EPM2A: variants seen among roughly 807,000 people sequenced by gnomAD.
EPM2A encodes laforin.
EPM2A carries 21 observed loss-of-function variants against 26.5 expected under a neutral mutation model. The observed-to-expected ratio is 0.79, with a 90% CI of 0.56 to 1.14. The LOEUF (loss-of-function observed/expected upper bound fraction) is 1.14. EPM2A is among the 50% of genes most tolerant of loss of function. EPM2A has a pLI of 0.00. For synonymous variants in EPM2A, 217 were observed against 177.6 expected (o/e 1.22, Z -1.76); for missense variants, 458 against 440.8 (o/e 1.04, Z -0.35).
chr6:145,694,604 CAAG>C (rs1274551330), intron 1 of EPM2A, among the ~76,000 whole-genome samples: 2 of 151,708 alleles, frequency 1.3e-5, no homozygotes, highest in South Asian at 2.1e-4. Flanking sequence ...TTAAGATTGA[CAAG>C]AAGAAGGAAA....
intron 4 of EPM2A, chr6:145,490,064 A>G (rs1176416197): frequency 1.9e-5 from 24 of 1,291,608 alleles, no homozygotes; most frequent in Admixed American, 8.7e-5. Flanking sequence ...ATCCACCTGG[A>G]CCTGAAGCAA....
At chr6:145,670,555 T>C (rs967868344) in intron 2 of EPM2A, 1 of 151,420 alleles carries the variant, frequency 6.6e-6, no homozygotes, top group Non-Finnish European at 1.5e-5. Context: ...CAAAACTGAT[T>C]TATTTCTTCA....
At chr6:145,557,599 TTTA>T (rs1428899899) in intron 2 of EPM2A, among the ~76,000 whole-genome samples, 3 of 152,128 alleles carry the variant, frequency 2.0e-5, no homozygotes. Flanking sequence ...TATTTATCAT[TTTA>T]TTTTTAAATT....
At chr6:145,594,295 G>GA (rs937440070) in intron 2 of EPM2A, among the ~76,000 whole-genome samples, 2 of 151,132 alleles carry the variant, frequency 1.3e-5, no homozygotes, top group Admixed American at 6.6e-5. Context: ...AAACCCTCAA[G>GA]AAAAAAAATA....
chr6:145,494,244 C>T (rs546752157), intron 4 of EPM2A, among the ~76,000 whole-genome samples: 2 of 152,300 alleles, frequency 1.3e-5, no homozygotes, highest in Non-Finnish European at 2.9e-5. Flanking sequence ...TTATCCATTT[C>T]TTCTACAGTT....
At chr6:145,455,128 T>A (rs75622408) in intron 4 of EPM2A, among the ~76,000 whole-genome samples, 1 of 151,830 alleles carries the variant, frequency 6.6e-6, no homozygotes, top group African/African-American at 2.4e-5. Context: ...TGTGGGCATA[T>A]GGAATTACTT....
At chr6:145,439,454 T>C (rs1779033359) in intron 4 of EPM2A, among the ~76,000 whole-genome samples, 1 of 152,216 alleles carries the variant, frequency 6.6e-6, no homozygotes, top group Admixed American at 6.5e-5. Flanking sequence ...TCCTTTTCTC[T>C]GCAATCTCAC....
chr6:145,730,615 G>A lies in EPM2A; in HGVS notation c.301+4583C>T, dbSNP rs1562529795. ...AGAGAGTGAGAGCTAGAAAGCAAGT[G>A]AGGAGAGAGAGGCTGTACTCCATGC... On this transcript the variant is annotated intron_variant, in intron 1 of 3. Transcript: ENST00000367519. Among the ~76,000 whole-genome samples, 3 of 152,200 alleles carry A rather than the reference G, an allele frequency of 2.0e-5. No individual in the cohort carries two copies. In the South Asian group the frequency reaches 6.2e-4, roughly 32 times the overall value.
intron 2 of EPM2A, among the ~76,000 whole-genome samples, chr6:145,612,215 G>A (rs543972013): frequency 1.3e-4 from 20 of 152,076 alleles, no homozygotes; most frequent in South Asian, 2.1e-4. Context: ...TTTTATTTGC[G>A]TATTTATTTA....
intron 4 of EPM2A, among the ~76,000 whole-genome samples, chr6:145,412,738 G>A (rs1179153885): frequency 6.6e-6 from 1 of 152,178 alleles, no homozygotes; most frequent in Non-Finnish European, 1.5e-5. Context: ...TAGCAGTAGA[G>A]AGAAAAGTAT....
At chr6:145,687,490 T>A (rs1781003448) in intron 1 of EPM2A, among the ~76,000 whole-genome samples, 1 of 152,132 alleles carries the variant, frequency 6.6e-6, no homozygotes, top group African/African-American at 2.4e-5. Flanking sequence ...CATACATTAT[T>A]TTTACTACCT....
chr6:145,524,867 T>C (rs1207846682), intron 2 of EPM2A, among the ~76,000 whole-genome samples: 3 of 152,112 alleles, frequency 2.0e-5, no homozygotes, highest in Non-Finnish European at 4.4e-5. Context: ...GAATGGTATT[T>C]TCTAGCTTTT....
rs142624296 is a variant in EPM2A at position 145,619,827 on chromosome 6, T to C, written c.340+15418A>G. 9.2e-3 allele frequency among the ~76,000 whole-genome samples: 1,398 copies of C among 152,288 alleles called. 14 individuals are homozygous for C. Among genetic ancestry groups the C allele is most frequent in the Non-Finnish European group, 0.012 (822 of 68,012 alleles). On this transcript the variant is annotated intron_variant, in intron 2 of 3. Transcript: ENST00000450221. ...AAGTATAAATACCAGTGAGCATAAG[T>C]CAGTGTTAAAGTTCTCCGTTGTAAG...
intron 2 of EPM2A, 38 bp downstream of exon 2, chr6:145,686,084 T>C (rs1583053361): frequency 6.4e-7 from 1 of 1,561,178 alleles, no homozygotes; most frequent in Non-Finnish European, 8.8e-7. Context: ...CTATCTCTTG[T>C]CCTACTTCTA....
At chr6:145,546,766 G>A (rs1340589355) in intron 2 of EPM2A, among the ~76,000 whole-genome samples, 1 of 152,040 alleles carries the variant, frequency 6.6e-6, no homozygotes, top group African/African-American at 2.4e-5. Context: ...TAGACATATA[G>A]ACACAGATTC....
At chr6:145,580,688 G>A (rs888572452) in intron 2 of EPM2A, among the ~76,000 whole-genome samples, 4 of 151,902 alleles carry the variant, frequency 2.6e-5, no homozygotes, top group Admixed American at 6.6e-5. Flanking sequence ...ACTCTAAAGT[G>A]GGCCCCAGTT....
intron 4 of EPM2A, among the ~76,000 whole-genome samples, chr6:145,426,218 T>C (rs573035926): frequency 1.2e-4 from 18 of 152,188 alleles, no homozygotes; most frequent in Non-Finnish European, 2.4e-4. Flanking sequence ...CCATCACTTT[T>C]TCCTCCTTAT....
At chr6:145,570,981 T>C (rs900694261) in intron 2 of EPM2A, among the ~76,000 whole-genome samples, 1 of 152,190 alleles carries the variant, frequency 6.6e-6, no homozygotes, top group Non-Finnish European at 1.5e-5. Context: ...CAATCATAAC[T>C]TCCAGTTTAA....
At chr6:145,618,043 GC>G (rs1178607415) in intron 2 of EPM2A, among the ~76,000 whole-genome samples, 2 of 152,156 alleles carry the variant, frequency 1.3e-5, no homozygotes, top group African/African-American at 4.8e-5. Flanking sequence ...ATGGGCCAAA[GC>G]CTGTTTGCCA....
Sources: allele counts gnomAD v4.1 joint callset (sites outside exome capture counted in the v4.1 genomes callset), GRCh38; gene constraint gnomAD v4.1.1; transcripts MANE v1.5; gene names NCBI Gene and HGNC (gene_info 2026-07-23, HGNC 2026-07-21).